TSPAN9: variants seen among roughly 807,000 people sequenced by gnomAD.
The protein encoded by TSPAN9 is tetraspanin-9.
In TSPAN9, 16 loss-of-function variants were observed where a neutral mutation model predicts 31.0. The observed-to-expected ratio is 0.52, with a 90% CI of 0.35 to 0.78. The LOEUF is 0.78. TSPAN9 is among the 30% of genes least tolerant of loss of function. The probability of loss-of-function intolerance (pLI) is 0.01; values close to 1 mark genes in which losing one functional copy is unlikely to be tolerated. For synonymous variants in TSPAN9, 145 were observed against 121.6 expected (o/e 1.19, Z -1.27); for missense variants, 272 against 312.5 (o/e 0.87, Z 0.98).
At chr12:3,269,793 C>G (rs1862638642) in intron 3 of TSPAN9, among the ~76,000 whole-genome samples, 1 of 152,182 alleles carries the variant, frequency 6.6e-6, no homozygotes, top group Non-Finnish European at 1.5e-5. Context: ...TTCGCTGCAC[C>G]CACCCGCACC....
At chr12:3,161,757 C>A (rs2098345332) in intron 2 of TSPAN9, among the ~76,000 whole-genome samples, 1 of 151,800 alleles carries the variant, frequency 6.6e-6, no homozygotes, top group Admixed American at 6.6e-5. Flanking sequence ...TTGTCCTCTC[C>A]AAATCTTGGG....
intron 3 of TSPAN9, among the ~76,000 whole-genome samples, chr12:3,263,615 A>G (rs1292947903): frequency 6.6e-6 from 1 of 152,152 alleles, no homozygotes; most frequent in Non-Finnish European, 1.5e-5. Flanking sequence ...CCCACAATCC[A>G]TATATGTCTG....
intron 3 of TSPAN9, among the ~76,000 whole-genome samples, chr12:3,277,349 G>A (rs1862807364): frequency 6.6e-6 from 1 of 152,158 alleles, no homozygotes; most frequent in Non-Finnish European, 1.5e-5. Context: ...TGGCTTCCAT[G>A]ACTGCGACAG....
At chr12:3,082,740 A>G (rs1330118239) in intron 1 of TSPAN9, among the ~76,000 whole-genome samples, 1 of 152,118 alleles carries the variant, frequency 6.6e-6, no homozygotes, top group African/African-American at 2.4e-5. Flanking sequence ...ATGAAGTTGA[A>G]GGGGGATTGA....
chr12:3,234,787 A>G (rs942083030), intron 3 of TSPAN9, among the ~76,000 whole-genome samples: 2 of 152,132 alleles, frequency 1.3e-5, no homozygotes, highest in African/African-American at 2.4e-5. Context: ...TCATCTCAGT[A>G]TCCCAGGTTT....
intron 3 of TSPAN9, among the ~76,000 whole-genome samples, chr12:3,277,597 C>A (rs1425163404): frequency 6.6e-6 from 1 of 152,168 alleles, no homozygotes. Context: ...CATGAGCTGG[C>A]GGAGGGAGTC....
intron 2 of TSPAN9, among the ~76,000 whole-genome samples, chr12:3,089,533 G>C (rs907643832): frequency 7.9e-5 from 12 of 152,004 alleles, no homozygotes; most frequent in Non-Finnish European, 1.5e-4. Flanking sequence ...CTGACCTCGT[G>C]ATCCGCCCTC....
At chr12:3,258,534 T>C (rs1272706465) in intron 3 of TSPAN9, among the ~76,000 whole-genome samples, 1 of 152,176 alleles carries the variant, frequency 6.6e-6, no homozygotes, top group East Asian at 1.9e-4. Flanking sequence ...GAGCCTTGAC[T>C]AACCCTGTTT....
rs115153355 is a variant in TSPAN9, at chr12:3,280,895, G to A, written c.433-303G>A. On this transcript the variant is annotated intron_variant, in intron 6 of 8. Coordinates refer to ENST00000011898, the MANE Select transcript of TSPAN9 (RefSeq NM_006675.5). This position sits in a 1 kb window ranked among gnomAD's most constrained non-coding sequence, Gnocchi z 4.5. The stretch of plus-strand genomic sequence containing the variant: ...GGTTGGGTGGCAGTCAGCTTGGGAC[G>A]GTTTACAGAAAGAGCAGAGGTGCTG... Among the ~76,000 whole-genome samples, 1,190 of 151,908 alleles carry A rather than the reference G, an allele frequency of 7.8e-3. 16 individuals carry two copies. Among genetic ancestry groups the A allele is most frequent in the African/African-American group, 0.026 (1,083 of 41,418 alleles).
rs2098337713 is a variant in TSPAN9, at chr12:3,147,260, G to C, written c.-17-53917G>C. On this transcript the variant is annotated intron_variant, in intron 2 of 8. Transcript: ENST00000011898. This position sits in a 1 kb window ranked among gnomAD's most constrained non-coding sequence, Gnocchi z 4.3. ...CTGGGCAGCAGGAGGCAGGGACCACGGTCCCTGCCCTGGGATGAGGAGCCC... is the reference window on the plus strand; with the variant it reads ...CTGGGCAGCAGGAGGCAGGGACCACCGTCCCTGCCCTGGGATGAGGAGCCC... Among the ~76,000 whole-genome samples, 1 of 152,122 alleles carries C rather than the reference G, an allele frequency of 6.6e-6. No homozygotes were observed. Among genetic ancestry groups the C allele is most frequent in the South Asian group, 2.1e-4 (1 of 4,820 alleles).
chr12:3,209,966 AAAAAAAAAAAAAAAAAAAAATT>A (rs781271470), intron 3 of TSPAN9, among the ~76,000 whole-genome samples: 1 of 68,918 alleles, frequency 1.5e-5, no homozygotes, highest in African/African-American at 5.6e-5. Flanking sequence ...CCCAAAAAAA[AAAAAAAAAAAAAAAAAAAAATT>A]AGCCGGGTGT....
At chr12:3,228,465 C>T (rs2098389037) in intron 3 of TSPAN9, among the ~76,000 whole-genome samples, 1 of 152,216 alleles carries the variant, frequency 6.6e-6, no homozygotes, top group African/African-American at 2.4e-5. Context: ...ACCAGTCACA[C>T]AAGCACTAGG....
intron 3 of TSPAN9, among the ~76,000 whole-genome samples, chr12:3,234,900 C>T (rs1316443158): frequency 6.6e-6 from 1 of 151,822 alleles, no homozygotes; most frequent in Non-Finnish European, 1.5e-5. Flanking sequence ...GTGGCTTACG[C>T]CTGTCATCCC....
intron 3 of TSPAN9, among the ~76,000 whole-genome samples, chr12:3,247,889 C>T (rs914626113): frequency 2.0e-5 from 3 of 152,200 alleles, no homozygotes; most frequent in Non-Finnish European, 2.9e-5. Flanking sequence ...GAAATGCTGA[C>T]CCCTTGCCTG....
intron 2 of TSPAN9, among the ~76,000 whole-genome samples, chr12:3,108,745 T>C (rs2098315997): frequency 6.6e-6 from 1 of 152,190 alleles, no homozygotes; most frequent in African/African-American, 2.4e-5. Flanking sequence ...TTTCCTTTCC[T>C]GGAGATTTCT....
At chr12:3,231,549 C>G (rs1391516479) in intron 3 of TSPAN9, among the ~76,000 whole-genome samples, 2 of 152,230 alleles carry the variant, frequency 1.3e-5, no homozygotes. Flanking sequence ...CCATCCCATG[C>G]CCCATGCCAG....
chr12:3,280,577 T>A lies in TSPAN9; in HGVS notation c.432+94T>A. 8.4e-7 allele frequency: 1 copy of A among 1,186,752 alleles called. No homozygotes were observed. Among genetic ancestry groups the A allele is most frequent in the Non-Finnish European group, 1.2e-6 (1 of 834,050 alleles). 73.5% of individuals were successfully genotyped at this position (1,186,752 alleles called of 1,614,324 possible). ...TTCCCCGGTGACCTGGCCGGGCACC[T>A]GTGCTTTCTGGATTTTAGCCGGGAG... is the stretch of plus-strand genomic sequence containing the variant. On this transcript the variant is annotated intron_variant, in intron 6 of 8. Transcript: ENST00000011898. The surrounding 1 kb of genome is among the most constrained non-coding windows in gnomAD (Gnocchi z 4.5).
intron 2 of TSPAN9, among the ~76,000 whole-genome samples, chr12:3,096,054 C>G (rs958037543): frequency 6.6e-6 from 1 of 151,834 alleles, no homozygotes; most frequent in Non-Finnish European, 1.5e-5. Context: ...GGGCGGCGCT[C>G]CCGGCGCGGC....
chr12:3,266,793 G>A (rs756405888), intron 3 of TSPAN9, among the ~76,000 whole-genome samples: 21 of 152,290 alleles, frequency 1.4e-4, no homozygotes, highest in Non-Finnish European at 2.4e-4. Flanking sequence ...CGCGGCTCCC[G>A]GCTGGCAGTA....
Sources: allele counts gnomAD v4.1 joint callset (sites outside exome capture counted in the v4.1 genomes callset), GRCh38; gene constraint gnomAD v4.1.1; non-coding constraint Gnocchi (gnomAD v3.1); transcripts MANE v1.5; gene names NCBI Gene and HGNC (gene_info 2026-07-23, HGNC 2026-07-21).